Variants in LRP1B observed in about 807,000 individuals in gnomAD.
LRP1B encodes the protein LDL receptor related protein 1B, also known as low-density lipoprotein receptor-related protein 1B.
LRP1B carries 217 observed loss-of-function variants against 556.6 expected under a neutral mutation model. That is an observed-to-expected ratio of 0.39 (90% CI 0.35 to 0.44). The LOEUF is 0.44. Among genes scored for constraint, LRP1B ranks in the 20% least tolerant of loss-of-function variants. LRP1B has a pLI of 1.00. For synonymous variants in LRP1B, 2,047 were observed against 1,865.8 expected (o/e 1.10, Z -2.50); for missense variants, 5,053 against 5,620.8 (o/e 0.90, Z 3.23).
chr2:140,547,541 ACTT>A lies in LRP1B; in HGVS notation c.7195-5573_7195-5571del, dbSNP rs1381397425. On this transcript the variant is annotated intron_variant, in intron 43 of 90. Transcript: ENST00000389484. Reference sequence around the variant, plus strand: ...TAATTGTTTATTTGGATCTTTTCTCACTTCTTCTTTATTAATTTAGCCAGTGGT... The same window carrying A: ...TAATTGTTTATTTGGATCTTTTCTCACTTCTTTATTAATTTAGCCAGTGGT... Among the ~76,000 whole-genome samples the A allele has an allele frequency of 3.3e-5, 5 of 151,024 alleles. No homozygotes were observed. In the East Asian group the frequency reaches 5.9e-4, roughly 18 times the overall value.
intron 1 of LRP1B, among the ~76,000 whole-genome samples, chr2:142,067,605 G>A (rs1295970645): frequency 6.6e-6 from 1 of 151,512 alleles, no homozygotes; most frequent in Non-Finnish European, 1.5e-5. Flanking sequence ...GTAAAGCACA[G>A]TTTTTTCTTA....
intron 41 of LRP1B, among the ~76,000 whole-genome samples, chr2:140,633,858 T>C (rs1300717442): frequency 1.3e-5 from 2 of 152,188 alleles, no homozygotes. Flanking sequence ...CACTGGTGAA[T>C]TCTGTCAAAC....
intron 2 of LRP1B, among the ~76,000 whole-genome samples, chr2:141,671,831 T>G (rs1411400779): frequency 6.6e-6 from 1 of 151,920 alleles, no homozygotes; most frequent in East Asian, 1.9e-4. Context: ...AACTTTTTTT[T>G]TTTTTCACAA....
chr2:141,967,658 T>C (rs1280044742), intron 1 of LRP1B, among the ~76,000 whole-genome samples: 1 of 151,858 alleles, frequency 6.6e-6, no homozygotes, highest in Non-Finnish European at 1.5e-5. Flanking sequence ...TATAAAGCAA[T>C]GTAAATAGTA....
chr2:140,982,504 A>G (rs537490121), intron 17 of LRP1B, among the ~76,000 whole-genome samples: 1 of 152,282 alleles, frequency 6.6e-6, no homozygotes, highest in African/African-American at 2.4e-5. Flanking sequence ...CTAAATGACA[A>G]GATAGTCAGT....
At position 141,703,786 on chromosome 2, in the gene LRP1B, C is replaced by T. The variant is rs74564543; in HGVS notation, c.205+106493G>A. On this transcript the variant is annotated intron_variant, in intron 2 of 90. Transcript: ENST00000389484. ...AGAAACCCTGGTGCAAAAACAGAAACTCTGGCAGGGGGTTACATCGGCCTA... is the reference window on the plus strand; with the variant it reads ...AGAAACCCTGGTGCAAAAACAGAAATTCTGGCAGGGGGTTACATCGGCCTA... 1.6e-3 allele frequency among the ~76,000 whole-genome samples: 238 copies of T among 152,012 alleles called. 1 individual carries two copies. The highest frequency in any genetic ancestry group is 5.5e-3 in the African/African-American group (228 of 41,532).
Position 141,668,687 on chromosome 2 carries a change from C to G in LRP1B, c.205+141592G>C, listed in dbSNP as rs149011360. The stretch of plus-strand genomic sequence containing the variant: ...CCCCTGCATTCACCATCCTTCAAGT[C>G]CATGTATAATCTGATTCTTCCTGGA... On this transcript the variant is annotated intron_variant, in intron 2 of 90. Coordinates refer to ENST00000389484, the MANE Select transcript of LRP1B (RefSeq NM_018557.3). 8.0e-3 allele frequency among the ~76,000 whole-genome samples: 1,215 copies of G among 152,246 alleles called. 18 individuals are homozygous for G. Among genetic ancestry groups the G allele is most frequent in the African/African-American group, 0.028 (1,158 of 41,532 alleles).
intron 34 of LRP1B, among the ~76,000 whole-genome samples, chr2:140,769,773 T>C (rs1689243790): frequency 6.6e-6 from 1 of 151,958 alleles, no homozygotes; most frequent in Non-Finnish European, 1.5e-5. Flanking sequence ...TACTTATATA[T>C]GATAATAAAC....
chr2:141,331,826 G>C (rs529318272), intron 3 of LRP1B, among the ~76,000 whole-genome samples: 31 of 152,246 alleles, frequency 2.0e-4, no homozygotes, highest in African/African-American at 5.5e-4. Context: ...AATGTGCAAA[G>C]TTTATGGAGA....
intron 18 of LRP1B, 87 bp from the exon 19 acceptor site, chr2:140,952,027 C>A: frequency 2.2e-6 from 2 of 926,366 alleles, no homozygotes; most frequent in Non-Finnish European, 3.5e-6. Context: ...GTGATCAGAA[C>A]TCCTTCCCTG....
intron 1 of LRP1B, among the ~76,000 whole-genome samples, chr2:142,099,186 C>T (rs1706486013): frequency 6.6e-6 from 1 of 151,868 alleles, no homozygotes; most frequent in Non-Finnish European, 1.5e-5. Flanking sequence ...CATTATTCAA[C>T]AGCAATGCAT....
At chr2:140,305,375 C>T (rs944296403) in intron 83 of LRP1B, among the ~76,000 whole-genome samples, 1 of 152,024 alleles carries the variant, frequency 6.6e-6, no homozygotes, top group Non-Finnish European at 1.5e-5. Context: ...TCTTCACATC[C>T]CTTGTAAGTT....
intron 2 of LRP1B, among the ~76,000 whole-genome samples, chr2:141,533,235 A>G (rs1684951774): frequency 6.6e-6 from 1 of 152,206 alleles, no homozygotes. Context: ...ATTCTGTAAT[A>G]TGATTCTACT....
At chr2:140,313,632 T>G (rs987839244) in intron 83 of LRP1B, among the ~76,000 whole-genome samples, 1 of 151,994 alleles carries the variant, frequency 6.6e-6, no homozygotes, top group African/African-American at 2.4e-5. Context: ...AATAATAAAA[T>G]TTCCAAACAA....
At chr2:140,434,739 T>C (rs6709363) in intron 66 of LRP1B, among the ~76,000 whole-genome samples, 1 of 152,100 alleles carries the variant, frequency 6.6e-6, no homozygotes, top group South Asian at 2.1e-4. Context: ...TATACCCCTC[T>C]GTTTAGTATA....
chr2:140,409,358 T>TA (rs1236564337), intron 66 of LRP1B, among the ~76,000 whole-genome samples: 2 of 151,958 alleles, frequency 1.3e-5, no homozygotes, highest in African/African-American at 2.4e-5. Flanking sequence ...AAAAAGTATG[T>TA]AAAATAAAAT....
chr2:140,469,747 C>T (rs912498499), intron 60 of LRP1B, among the ~76,000 whole-genome samples: 4 of 152,156 alleles, frequency 2.6e-5, no homozygotes, highest in Admixed American at 6.5e-5. Flanking sequence ...AAGTAGGTTT[C>T]AATCTTCAAT....
chr2:141,485,406 G>A (rs1683086705), intron 2 of LRP1B, among the ~76,000 whole-genome samples: 1 of 152,156 alleles, frequency 6.6e-6, no homozygotes, highest in Non-Finnish European at 1.5e-5. Context: ...CCGGTAATTA[G>A]CCTCACAGTT....
At chr2:141,660,860 G>A (rs1218261375) in intron 2 of LRP1B, among the ~76,000 whole-genome samples, 25 of 152,094 alleles carry the variant, frequency 1.6e-4, no homozygotes, top group Admixed American at 1.6e-3. Flanking sequence ...CTGATCTCGT[G>A]CCTCCTGACT....
Sources: allele counts gnomAD v4.1 joint callset (sites outside exome capture counted in the v4.1 genomes callset), GRCh38; gene constraint gnomAD v4.1.1; transcripts MANE v1.5; gene names NCBI Gene and HGNC (gene_info 2026-07-23, HGNC 2026-07-21).